The following ZFPM2 variants were observed in gnomAD, a reference collection of about 807,000 sequenced individuals.
The protein encoded by ZFPM2 is zinc finger protein, FOG family member 2, also known as zinc finger protein ZFPM2.
A neutral mutation model predicts 98.6 loss-of-function variants in ZFPM2; 20 were observed. That is an observed-to-expected ratio of 0.20 (90% confidence interval 0.14 to 0.29). The LOEUF is 0.29. Among genes scored for constraint, ZFPM2 ranks in the 10% least tolerant of loss-of-function variants. The pLI is 1.00. For missense variants in ZFPM2, 1,310 were observed against 1,388.6 expected, an observed-to-expected ratio of 0.94 and a Z score of 0.90; for synonymous variants, 518 against 502.7, an observed-to-expected ratio of 1.03 and a Z score of -0.41.
intron 3 of ZFPM2, among the ~76,000 whole-genome samples, chr8:105,505,618 T>G (rs908373328): frequency 2.6e-5 from 4 of 152,144 alleles, no homozygotes; most frequent in African/African-American, 7.2e-5. Context: ...CTGTAATTAG[T>G]TAAATGCTAT....
At chr8:105,664,915 A>G (rs1274156204) in intron 5 of ZFPM2, among the ~76,000 whole-genome samples, 1 of 152,208 alleles carries the variant, frequency 6.6e-6, no homozygotes, top group Non-Finnish European at 1.5e-5. Context: ...AAGCAAAAAA[A>G]GAAAAAGTAC....
chr8:105,762,877 G>A (rs1299761165), intron 5 of ZFPM2, among the ~76,000 whole-genome samples: 1 of 151,784 alleles, frequency 6.6e-6, no homozygotes, highest in Non-Finnish European at 1.5e-5. Context: ...TTAAAGTTGA[G>A]TAGATCTTTA....
intron 2 of ZFPM2, among the ~76,000 whole-genome samples, chr8:105,419,808 C>A (rs1811756695): frequency 6.7e-6 from 1 of 149,726 alleles, no homozygotes; most frequent in South Asian, 2.1e-4. Context: ...AATATACATT[C>A]TTTCTCCATT....
At chr8:105,609,631 G>T (rs1173740907) in intron 4 of ZFPM2, among the ~76,000 whole-genome samples, 1 of 152,158 alleles carries the variant, frequency 6.6e-6, no homozygotes, top group Admixed American at 6.5e-5. Flanking sequence ...TCCCTTTTTG[G>T]TTTAACTGTA....
intron 5 of ZFPM2, among the ~76,000 whole-genome samples, chr8:105,768,005 G>C (rs1490375104): frequency 6.6e-6 from 1 of 151,628 alleles, no homozygotes; most frequent in Admixed American, 6.6e-5. Flanking sequence ...CTTATAGCAG[G>C]CATCTCCAGT....
At chr8:105,541,914 A>G (rs1814582521) in intron 3 of ZFPM2, among the ~76,000 whole-genome samples, 1 of 152,140 alleles carries the variant, frequency 6.6e-6, no homozygotes, top group African/African-American at 2.4e-5. Context: ...AGAAATTGCT[A>G]ATTTTTTTAA....
intron 4 of ZFPM2, among the ~76,000 whole-genome samples, chr8:105,619,209 A>C (rs1045900141): frequency 2.0e-5 from 3 of 152,156 alleles, no homozygotes; most frequent in African/African-American, 7.2e-5. Flanking sequence ...ACCGCTTCTT[A>C]TCTATTACTA....
chr8:105,488,181 G>T (rs1813273675), intron 3 of ZFPM2, among the ~76,000 whole-genome samples: 1 of 152,138 alleles, frequency 6.6e-6, no homozygotes. Flanking sequence ...TGTTTCAAAT[G>T]CAAGTGAACA....
intron 1 of ZFPM2, among the ~76,000 whole-genome samples, chr8:105,382,245 G>A (rs958377454): frequency 6.6e-6 from 1 of 151,740 alleles, no homozygotes; most frequent in African/African-American, 2.4e-5. Context: ...ATCCTTCTGT[G>A]TATGCAATGC....
At chr8:105,584,382 A>C (rs1195053536) in intron 4 of ZFPM2, among the ~76,000 whole-genome samples, 2 of 152,182 alleles carry the variant, frequency 1.3e-5, no homozygotes, top group Non-Finnish European at 2.9e-5. Context: ...TATTTAAAGA[A>C]AATATATTAC....
chr8:105,738,215 T>C (rs1415469150), intron 5 of ZFPM2, among the ~76,000 whole-genome samples: 1 of 152,070 alleles, frequency 6.6e-6, no homozygotes, highest in Non-Finnish European at 1.5e-5. Flanking sequence ...TGTTCCCCAC[T>C]ATGCATCCAT....
intron 4 of ZFPM2, among the ~76,000 whole-genome samples, chr8:105,633,981 G>C (rs186112752): frequency 6.6e-6 from 1 of 151,710 alleles, no homozygotes; most frequent in African/African-American, 2.4e-5. Context: ...CAAGAGATCT[G>C]TCTAATCTTG....
At position 105,379,520 on chromosome 8, in the gene ZFPM2, A is replaced by G. The variant is rs530954791; in HGVS notation, c.41-39624A>G. Reference sequence around the variant, plus strand: ...TGTAATCCCAGCACTTTGGGAGGCCAGGGTGGGCGGATCACCAGAGGTCTG... The same window carrying G: ...TGTAATCCCAGCACTTTGGGAGGCCGGGGTGGGCGGATCACCAGAGGTCTG... On this transcript the variant is annotated intron_variant, in intron 1 of 7. Coordinates refer to ENST00000407775, the MANE Select transcript of ZFPM2 (RefSeq NM_012082.4). Among the ~76,000 whole-genome samples the G allele has an allele frequency of 2.6e-5, 4 of 152,298 alleles. No individual in the cohort carries two copies. The South Asian group carries it at 8.3e-4, about 32-fold the overall frequency.
chr8:105,788,093 G>T (rs1321307513), intron 5 of ZFPM2, among the ~76,000 whole-genome samples: 1 of 151,356 alleles, frequency 6.6e-6, no homozygotes, highest in African/African-American at 2.5e-5. Flanking sequence ...AAATGGAGAT[G>T]AAGAAGCTAC....
intron 1 of ZFPM2, among the ~76,000 whole-genome samples, chr8:105,340,366 C>T (rs1347317922): frequency 6.6e-6 from 1 of 151,812 alleles, no homozygotes; most frequent in Non-Finnish European, 1.5e-5. Context: ...ACAAAAATGC[C>T]TTATTTATTT....
chr8:105,440,438 T>C (rs1812212441), intron 2 of ZFPM2, among the ~76,000 whole-genome samples: 1 of 152,118 alleles, frequency 6.6e-6, no homozygotes, highest in African/African-American at 2.4e-5. Context: ...AAATATTACA[T>C]ACATGGTGAC....
At chr8:105,778,012 T>G (rs1813145109) in intron 5 of ZFPM2, among the ~76,000 whole-genome samples, 1 of 152,080 alleles carries the variant, frequency 6.6e-6, no homozygotes, top group Admixed American at 6.5e-5. Context: ...TCAGGTGCTG[T>G]GCAGGAGGAT....
chr8:105,800,974 T>G (rs1285697160), intron 7 of ZFPM2, 73 bp from the exon 8 acceptor site: 1 of 1,388,734 alleles, frequency 7.2e-7, no homozygotes, highest in African/African-American at 1.4e-5. Context: ...CATTAGGTCA[T>G]TAGAAAAGGT....
At position 105,646,126 on chromosome 8, in the gene ZFPM2, C is replaced by A. The variant is rs1363940820; in HGVS notation, c.532+11769C>A. On this transcript the variant is annotated intron_variant, in intron 5 of 7. Coordinates refer to ENST00000407775, the MANE Select transcript of ZFPM2 (RefSeq NM_012082.4). ...GAGCTTCATGCTTCTCTATGGGACA[C>A]GTGTTCAAAAAAAAAATAATAATGG... Among the ~76,000 whole-genome samples the A allele has an allele frequency of 7.4e-5, 11 of 148,652 alleles. No homozygotes were observed. The South Asian group carries it at 2.0e-3, about 27-fold the overall frequency.
Sources: gnomAD v4.1 joint callset for allele counts (sites outside exome capture counted in the v4.1 genomes callset) on GRCh38, gnomAD v4.1.1 for gene constraint, MANE v1.5 for transcripts, NCBI Gene and HGNC (gene_info 2026-07-23, HGNC 2026-07-21) for gene names.